PDE4D: variants seen among roughly 807,000 people sequenced by gnomAD.
The protein encoded by PDE4D is 3',5'-cyclic-AMP phosphodiesterase 4D.
Under a neutral mutation model 87.4 loss-of-function variants are expected in PDE4D, and 24 were observed. The ratio of observed to expected loss-of-function variants is 0.27; its 90% CI spans 0.20 to 0.39. The LOEUF is 0.39. Ranked by LOEUF, PDE4D falls within the 10% of genes least tolerant of loss-of-function variation. The probability of loss-of-function intolerance (pLI) is 1.00; values close to 1 mark genes in which losing one functional copy is unlikely to be tolerated. For missense variants in PDE4D, 714 were observed against 1,041.0 expected, an observed-to-expected ratio of 0.69 and a Z score of 4.32; for synonymous variants, 384 against 383.2, an observed-to-expected ratio of 1.00 and a Z score of -0.02.
chr5:59,411,518 C>T (rs900211443), intron 1 of PDE4D, among the ~76,000 whole-genome samples: 1 of 152,174 alleles, frequency 6.6e-6, no homozygotes, highest in African/African-American at 2.4e-5. Flanking sequence ...TCAAAGGCGT[C>T]AACAGGTTTA....
chr5:60,105,964 A>C (rs1776855077), intron 2 of PDE4D, among the ~76,000 whole-genome samples: 1 of 152,196 alleles, frequency 6.6e-6, no homozygotes, highest in African/African-American at 2.4e-5. Flanking sequence ...GAGCAAAATA[A>C]CCAGCTGACA....
intron 6 of PDE4D, among the ~76,000 whole-genome samples, chr5:59,026,018 C>T (rs891747310): frequency 2.6e-5 from 4 of 152,232 alleles, no homozygotes; most frequent in African/African-American, 9.6e-5. Context: ...GCAAACATTG[C>T]AGAATACTCT....
At chr5:59,903,575 G>A (rs1752511661) in intron 3 of PDE4D, among the ~76,000 whole-genome samples, 1 of 152,092 alleles carries the variant, frequency 6.6e-6, no homozygotes, top group African/African-American at 2.4e-5. Flanking sequence ...AATTACTTTT[G>A]CACCAACCTA....
At chr5:60,045,080 C>T (rs939216802) in intron 2 of PDE4D, among the ~76,000 whole-genome samples, 2 of 152,104 alleles carry the variant, frequency 1.3e-5, no homozygotes, top group African/African-American at 4.8e-5. Context: ...GATGGTATCT[C>T]ATTGTGGTTT....
At chr5:59,929,614 T>C (rs970276997) in intron 3 of PDE4D, among the ~76,000 whole-genome samples, 2 of 152,184 alleles carry the variant, frequency 1.3e-5, no homozygotes, top group Non-Finnish European at 2.9e-5. Flanking sequence ...TCTGAAAATG[T>C]GAAAAATTTA....
intron 1 of PDE4D, among the ~76,000 whole-genome samples, chr5:60,409,233 G>A (rs1196571810): frequency 6.6e-6 from 1 of 152,160 alleles, no homozygotes; most frequent in Non-Finnish European, 1.5e-5. Flanking sequence ...GGCAGGGACT[G>A]AAAATGAGAA....
chr5:60,293,232 C>T (rs963567116), intron 1 of PDE4D, among the ~76,000 whole-genome samples: 8 of 151,982 alleles, frequency 5.3e-5, no homozygotes, highest in Non-Finnish European at 8.8e-5. Flanking sequence ...ACTTAAAATA[C>T]TTAAAAAGAT....
intron 1 of PDE4D, among the ~76,000 whole-genome samples, chr5:60,331,248 G>T (rs769456527): frequency 2.6e-5 from 4 of 152,140 alleles, no homozygotes; most frequent in Non-Finnish European, 5.9e-5. Flanking sequence ...CCTTGGGTCT[G>T]TTACTTAACT....
intron 1 of PDE4D, among the ~76,000 whole-genome samples, chr5:59,452,365 T>C (rs139121897): frequency 0.016 from 2,408 of 152,330 alleles, 83 homozygotes; most frequent in African/African-American, 0.055. Flanking sequence ...AAAAGTAGTG[T>C]ATTTAATAGA....
At chr5:59,215,519 C>T in intron 2 of PDE4D, 2 of 369,628 alleles carry the variant, frequency 5.4e-6, no homozygotes, top group Non-Finnish European at 4.9e-6. Context: ...CTCAGTTTTC[C>T]TATAAAGTAT....
chr5:59,723,354 G>T (rs1756127112), intron 1 of PDE4D, among the ~76,000 whole-genome samples: 1 of 152,056 alleles, frequency 6.6e-6, no homozygotes, highest in Non-Finnish European at 1.5e-5. Flanking sequence ...AAGAAAAGGA[G>T]AGTAAATACC....
chr5:60,045,881 T>G (rs1304805087), intron 2 of PDE4D, among the ~76,000 whole-genome samples: 1 of 152,080 alleles, frequency 6.6e-6, no homozygotes, highest in African/African-American at 2.4e-5. Flanking sequence ...TTAAAGTAGT[T>G]TTTTTTCCAA....
At chr5:60,129,281 A>G (rs771777097) in intron 2 of PDE4D, among the ~76,000 whole-genome samples, 14 of 152,238 alleles carry the variant, frequency 9.2e-5, no homozygotes, top group Non-Finnish European at 2.1e-4. Flanking sequence ...ATGCTTAATC[A>G]TAACTTCTTC....
At chr5:59,808,917 G>A (rs536800294) in intron 1 of PDE4D, among the ~76,000 whole-genome samples, 2 of 152,260 alleles carry the variant, frequency 1.3e-5, no homozygotes, top group East Asian at 3.9e-4. Context: ...TTAAGTGGAG[G>A]CTGAAAGGCT....
chr5:60,501,378 A>G (rs1277198566), intron 1 of PDE4D, among the ~76,000 whole-genome samples: 3 of 151,570 alleles, frequency 2.0e-5, no homozygotes, highest in African/African-American at 7.3e-5. Flanking sequence ...TATGTGCCAC[A>G]TTTTCTTAAT....
intron 5 of PDE4D, among the ~76,000 whole-genome samples, chr5:59,067,527 A>G (rs1764125792): frequency 6.6e-6 from 1 of 152,196 alleles, no homozygotes; most frequent in African/African-American, 2.4e-5. Context: ...TGGCATTTAA[A>G]TATTGACTAG....
At chr5:60,233,841 C>T (rs1034236754) in intron 1 of PDE4D, among the ~76,000 whole-genome samples, 7 of 151,700 alleles carry the variant, frequency 4.6e-5, no homozygotes, top group Admixed American at 3.3e-4. Context: ...CTGTAAGTTC[C>T]CACAACTGTT....
chr5:59,509,194 T>C (rs1001852166), intron 1 of PDE4D, among the ~76,000 whole-genome samples: 3 of 151,924 alleles, frequency 2.0e-5, no homozygotes, highest in African/African-American at 7.2e-5. Flanking sequence ...AAAGTAACAC[T>C]GGTCAGACTG....
chr5:59,051,396 A>G (rs1580529190), intron 5 of PDE4D, among the ~76,000 whole-genome samples: 1 of 152,168 alleles, frequency 6.6e-6, no homozygotes, highest in East Asian at 1.9e-4. Flanking sequence ...TAGCTTTTAC[A>G]AGACCACACC....
Sources: gnomAD v4.1 joint callset for allele counts (sites outside exome capture counted in the v4.1 genomes callset) on GRCh38, gnomAD v4.1.1 for gene constraint, MANE v1.5 for transcripts, NCBI Gene and HGNC (gene_info 2026-07-23, HGNC 2026-07-21) for gene names.